DRC9: variants seen among roughly 807,000 people sequenced by gnomAD.
DRC9 encodes the protein dynein regulatory complex protein 9.
the DRC9 span, chr3:197,932,142 A>G: frequency 6.2e-7 from 1 of 1,602,070 alleles, no homozygotes; most frequent in Non-Finnish European, 8.5e-7. Flanking sequence ...TTTAAAATAC[A>G]GCAAAGCAAG....
At chr3:197,952,713 T>G in the DRC9 span, 1 of 152,004 alleles carries the variant, frequency 6.6e-6, no homozygotes, top group African/African-American at 2.4e-5. Context: ...ACTCTGGTCT[T>G]GAACTCCTGA....
the DRC9 span, chr3:197,960,057 C>A: frequency 2.6e-4 from 160 of 619,888 alleles, 2 homozygotes; most frequent in Middle Eastern, 3.1e-3. Context: ...GCCGGCTTCG[C>A]GCCACGAGAC....
At chr3:197,904,083 CAT>C in the DRC9 span, among the ~76,000 whole-genome samples, 19 of 10,400 alleles carry the variant, frequency 1.8e-3, no homozygotes, top group East Asian at 0.013. Flanking sequence ...TATATATATA[CAT>C]ACATATATAT....
chr3:197,899,028 G>T, the DRC9 span, among the ~76,000 whole-genome samples: 1 of 152,170 alleles, frequency 6.6e-6, no homozygotes, highest in East Asian at 1.9e-4. Context: ...ATAGCTTTAT[G>T]CTAATAAATT....
the DRC9 span, among the ~76,000 whole-genome samples, chr3:197,928,341 C>CTTTTTTTTTTTTTT: frequency 1.5e-5 from 2 of 130,638 alleles, no homozygotes; most frequent in Non-Finnish European, 1.6e-5. Flanking sequence ...TCTGTTCCCT[C>CTTTTTTTTTTTTTT]TTTTTTTTTT....
the DRC9 span, chr3:197,938,727 G>A: frequency 5.6e-6 from 9 of 1,613,840 alleles, no homozygotes; most frequent in South Asian, 9.9e-5. Flanking sequence ...TGATTGTTGA[G>A]GCCATTGGAA....
At chr3:197,899,565 A>C in the DRC9 span, among the ~76,000 whole-genome samples, 1 of 152,184 alleles carries the variant, frequency 6.6e-6, no homozygotes, top group Non-Finnish European at 1.5e-5. Context: ...CTCAAAGAAA[A>C]ATTTTAAAAA....
the DRC9 span, among the ~76,000 whole-genome samples, chr3:197,918,158 G>A: frequency 6.2e-4 from 92 of 148,444 alleles, no homozygotes; most frequent in African/African-American, 2.2e-3. Context: ...GCAATGGTGC[G>A]ATCTTGGCTC....
chr3:197,910,808 C>T, the DRC9 span, among the ~76,000 whole-genome samples: 1 of 151,866 alleles, frequency 6.6e-6, no homozygotes, highest in Non-Finnish European at 1.5e-5. Context: ...AGTGAAACCC[C>T]ATCTCTACTA....
the DRC9 span, chr3:197,951,593 T>TCA: frequency 2.4e-5 from 10 of 409,426 alleles, no homozygotes; most frequent in Admixed American, 3.4e-4. Context: ...CCTTAGGTGA[T>TCA]CCGCCCACCT....
chr3:197,956,003 C>T, the DRC9 span: 1 of 528,030 alleles, frequency 1.9e-6, no homozygotes, highest in Non-Finnish European at 3.4e-6. Context: ...GAGTCTTGCT[C>T]TGTTGCCCAT....
the DRC9 span, chr3:197,950,915 A>G: frequency 6.2e-7 from 1 of 1,613,424 alleles, no homozygotes; most frequent in Non-Finnish European, 8.5e-7. Flanking sequence ...GTTTTAAACT[A>G]ATCTTTTTGT....
the DRC9 span, chr3:197,938,633 T>C: frequency 1.2e-6 from 2 of 1,614,118 alleles, no homozygotes; most frequent in Non-Finnish European, 1.7e-6. Flanking sequence ...TGCATTTTGT[T>C]AAACTCCACA....
At chr3:197,904,145 C>A in the DRC9 span, among the ~76,000 whole-genome samples, 2 of 145,284 alleles carry the variant, frequency 1.4e-5, no homozygotes, top group Non-Finnish European at 3.0e-5. Context: ...TCTGAATAGG[C>A]ATTTCTGAAA....
chr3:197,925,928 T>C, the DRC9 span: 1 of 771,104 alleles, frequency 1.3e-6, no homozygotes, highest in Non-Finnish European at 2.3e-6. Context: ...AACAATCTTT[T>C]ACATGTAACT....
the DRC9 span, chr3:197,892,767 G>A: frequency 2.5e-6 from 4 of 1,613,822 alleles, no homozygotes; most frequent in Non-Finnish European, 3.4e-6. Context: ...TTTCTATTTG[G>A]AAAGAACATG....
At chr3:197,954,228 CT>C in the DRC9 span, 1 of 1,476,378 alleles carries the variant, frequency 6.8e-7, no homozygotes, top group South Asian at 1.2e-5. Context: ...CTGAGGACTT[CT>C]GTGGTTGTGA....
chr3:197,920,181 C>T, the DRC9 span, among the ~76,000 whole-genome samples: 3 of 151,898 alleles, frequency 2.0e-5, no homozygotes, highest in South Asian at 4.2e-4. Flanking sequence ...TGCACTCCAG[C>T]CTAGGAGACA....
chr3:197,950,793 T>G, the DRC9 span: 5 of 695,082 alleles, frequency 7.2e-6, no homozygotes, highest in Admixed American at 1.0e-4. Context: ...GCGTTTCATA[T>G]GGATGTTCTG....
Sources: gnomAD v4.1 joint callset for allele counts (sites outside exome capture counted in the v4.1 genomes callset) on GRCh38, gnomAD v4.1.1 for gene constraint, MANE v1.5 for transcripts, NCBI Gene and HGNC (gene_info 2026-07-23, HGNC 2026-07-21) for gene names.